USP15: variants seen among roughly 807,000 people sequenced by gnomAD.
USP15 encodes the protein ubiquitin carboxyl-terminal hydrolase 15.
In USP15, 18 loss-of-function variants were observed where a neutral mutation model predicts 127.1. The observed-to-expected ratio is 0.14, with a 90% CI of 0.10 to 0.21. The LOEUF (loss-of-function observed/expected upper bound fraction) is 0.21. USP15 is among the 10% of genes least tolerant of loss of function. USP15 has a pLI of 1.00. For missense variants in USP15, 805 were observed against 1,159.9 expected (o/e 0.69, Z 4.44); for synonymous variants, 364 against 393.7 (o/e 0.92, Z 0.89).
At chr12:62,265,956 C>A (rs997126774) in intron 1 of USP15, among the ~76,000 whole-genome samples, 1 of 121,810 alleles carries the variant, frequency 8.2e-6, no homozygotes, top group Non-Finnish European at 1.9e-5. Flanking sequence ...TATTTAGTAG[C>A]AGAATTCTAC....
At chr12:62,377,211 C>T (rs2066859123) in intron 8 of USP15, among the ~76,000 whole-genome samples, 1 of 152,052 alleles carries the variant, frequency 6.6e-6, no homozygotes. Context: ...TCCAATTATG[C>T]TCTTTTAGTT....
chr12:62,288,835 T>C (rs1003624651), intron 1 of USP15, among the ~76,000 whole-genome samples: 1 of 152,222 alleles, frequency 6.6e-6, no homozygotes, highest in Non-Finnish European at 1.5e-5. Flanking sequence ...TTTTTGCGTC[T>C]ATTGAGATTA....
chr12:62,400,486 A>T (rs1021638786), intron 20 of USP15, among the ~76,000 whole-genome samples: 15 of 151,356 alleles, frequency 9.9e-5, no homozygotes, highest in Non-Finnish European at 1.8e-4. Context: ...ACTCTTCAGG[A>T]CTTTGTGGAA....
At chr12:62,378,177 A>C (rs1292208326) in intron 8 of USP15, among the ~76,000 whole-genome samples, 1 of 152,224 alleles carries the variant, frequency 6.6e-6, no homozygotes, top group Non-Finnish European at 1.5e-5. Context: ...ACTGCACTCC[A>C]GCCTGGGTGA....
rs533521961 is a variant in USP15, at chr12:62,363,719, T to A, written c.915+8244T>A. 2.6e-5 allele frequency among the ~76,000 whole-genome samples: 4 copies of A among 152,032 alleles called. No individual in the cohort carries two copies. In the South Asian group the frequency reaches 8.3e-4, roughly 32 times the overall value. On this transcript the variant is annotated intron_variant, in intron 8 of 21. Coordinates refer to ENST00000280377, the MANE Select transcript of USP15 (RefSeq NM_001252078.2). ...CGTGCTCTCTCTCTCCCTCTCTCCC[T>A]CTCTCCCATGACTGCTGGAATTTTG...
chr12:62,396,330 A>C lies in USP15; in HGVS notation c.2606A>C (p.Asn869Thr). 6.3e-7 allele frequency: 1 copy of C among 1,595,464 alleles called. No homozygotes were observed. The highest frequency in any genetic ancestry group is 1.4e-5 in the African/African-American group (1 of 73,756). ...LDMSEFLINP[N>T]AGPCRYNLIA... ...ATGTCGGAATTCTTAATTAATCCAAATGCAGGTCCTTGCCGCTATAATCTG... is the reference window on the plus strand; with the variant it reads ...ATGTCGGAATTCTTAATTAATCCAACTGCAGGTCCTTGCCGCTATAATCTG... Residue 869 changes from asparagine (N) to threonine (T), a missense_variant, in exon 20 of 22, where the codon AAT (asparagine) becomes ACT (threonine). By Grantham distance (65) the Asn-to-Thr change is moderately conservative. Around this residue, in one of 11 missense-constraint regions of USP15, gnomAD observed 116 missense variants for 157.2 expected, o/e 0.74. Coordinates refer to ENST00000280377, the MANE Select transcript of USP15 (RefSeq NM_001252078.2).
Position 62,314,869 on chromosome 12 carries a change from A to G in USP15, c.428A>G (p.Asn143Ser). 1 of 1,598,584 alleles carries G rather than the reference A, an allele frequency of 6.3e-7. No individual in the cohort carries two copies. Among genetic ancestry groups the G allele is most frequent in the South Asian group, 1.1e-5 (1 of 88,792 alleles). Reference protein sequence around the residue: ...LTELKLCENGNMNNVVTRRFS... With the variant: ...LTELKLCENGSMNNVVTRRFS... ...GAATTGAAGCTATGTGAAAATGGAA[A>G]CATGAATAATGTTGTAACTCGAAGA... Residue 143 changes from asparagine to serine, a missense_variant, in exon 4 of 22, where the codon AAC becomes AGC. Coordinates refer to ENST00000280377, the MANE Select transcript of USP15 (RefSeq NM_001252078.2).
intron 8 of USP15, among the ~76,000 whole-genome samples, chr12:62,367,798 GTC>G (rs1309163479): frequency 6.6e-6 from 1 of 151,914 alleles, no homozygotes; most frequent in African/African-American, 2.4e-5. Flanking sequence ...GGTTTTTCGT[GTC>G]TCTGTCTCCT....
rs2067335132 is a variant in USP15 at position 62,391,846 on chromosome 12, C to T, written c.2264C>T (p.Pro755Leu). ...ERSFLALDWD[P>L]DLKKRYFDEN... The stretch of plus-strand genomic sequence containing the variant: ...TCTTTTCTTGCTTTGGATTGGGATC[C>T]TGATTTGAAAAAAAGATATTTTGAT... Residue 755 changes from proline (P) to leucine (L), a missense_variant, in exon 17 of 22, where the codon CCT (proline) becomes CTT (leucine). Pro to Leu is a moderately conservative substitution (Grantham distance 98). Around this residue, in one of 11 missense-constraint regions of USP15, gnomAD observed 225 missense variants for 239.5 expected, o/e 0.94. Coordinates refer to ENST00000280377, the MANE Select transcript of USP15 (RefSeq NM_001252078.2). 6.2e-7 allele frequency: 1 copy of T among 1,608,584 alleles called. No homozygotes were observed. Among genetic ancestry groups the T allele is most frequent in the African/African-American group, 1.3e-5 (1 of 74,634 alleles).
chr12:62,308,042 G>A (rs759002650), intron 3 of USP15, among the ~76,000 whole-genome samples: 1 of 151,924 alleles, frequency 6.6e-6, no homozygotes, highest in South Asian at 2.1e-4. Flanking sequence ...CTTCGTCATA[G>A]GTATGTATGT....
intron 8 of USP15, among the ~76,000 whole-genome samples, chr12:62,378,094 C>T (rs1286227804): frequency 2.6e-5 from 4 of 152,212 alleles, no homozygotes; most frequent in Non-Finnish European, 5.9e-5. Context: ...ATAATCCCAG[C>T]TACTGGGGAG....
At chr12:62,355,778 A>G (rs908878119) in intron 8 of USP15, among the ~76,000 whole-genome samples, 2 of 150,940 alleles carry the variant, frequency 1.3e-5, no homozygotes, top group East Asian at 3.9e-4. Flanking sequence ...AGCAAAACTA[A>G]TGAGTTCCCT....
intron 8 of USP15, among the ~76,000 whole-genome samples, chr12:62,370,370 C>T (rs1442724442): frequency 1.3e-5 from 2 of 152,156 alleles, no homozygotes; most frequent in Non-Finnish European, 2.9e-5. Flanking sequence ...TTTCCCCCTA[C>T]TTTCCCATCT....
At position 62,391,389 on chromosome 12, in the gene USP15, C is replaced by G. The variant is rs1408734161; in HGVS notation, c.2193C>G (p.Thr731=). 3 of 1,612,054 alleles carry G rather than the reference C, an allele frequency of 1.9e-6. No individual in the cohort carries two copies. Among genetic ancestry groups the G allele is most frequent in the Non-Finnish European group, 2.5e-6 (3 of 1,179,178 alleles). Residue 731 remains threonine (T), a synonymous_variant, in exon 16 of 22, where the codon ACC becomes ACG. Coordinates refer to ENST00000280377, the MANE Select transcript of USP15 (RefSeq NM_001252078.2). ...ATATCAACTACATCAAAGATGATACCAGGCATATAAGATTTGATGATAGGC... is the reference window on the plus strand; with the variant it reads ...ATATCAACTACATCAAAGATGATACGAGGCATATAAGATTTGATGATAGGC... ...NTDINYIKDD[T]RHIRFDDRQL...
chr12:62,391,516 G>T, intron 16 of USP15, 87 bp downstream of exon 16: 1 of 1,498,810 alleles, frequency 6.7e-7, no homozygotes, highest in Non-Finnish European at 9.0e-7. Context: ...ATTCAGCTCT[G>T]TCAAGAAATA....
At chr12:62,297,177 A>G (rs908018389) in intron 2 of USP15, among the ~76,000 whole-genome samples, 2 of 152,160 alleles carry the variant, frequency 1.3e-5, no homozygotes, top group African/African-American at 2.4e-5. Context: ...CATAGTTCAA[A>G]TAACTGGGGG....
At position 62,411,659 on chromosome 12, in the gene USP15, C is replaced by T. The variant is rs2068044513; in HGVS notation, c.*7284C>T. 6.6e-6 allele frequency: 1 copy of T among 152,146 alleles called. No individual in the cohort carries two copies. The highest frequency in any genetic ancestry group is 2.4e-5 in the African/African-American group (1 of 41,426). 9.4% of individuals were successfully genotyped at this position (152,146 alleles called of 1,614,324 possible). ...TGTTTGGATACTGTCATAGTCTGCT[C>T]AGGCTGCCATAACAAACACAGACTG... On this transcript the variant is annotated 3_prime_UTR_variant, in exon 22 of 22. Transcript: ENST00000280377.
At position 62,317,899 on chromosome 12, in the gene USP15, GATAAA is replaced by G. The variant is rs751605411; in HGVS notation, c.475+2988_475+2992del. Among the ~76,000 whole-genome samples, 4 of 152,040 alleles carry G rather than the reference GATAAA, an allele frequency of 2.6e-5. No individual in the cohort carries two copies. In the East Asian group the frequency reaches 7.7e-4, roughly 29 times the overall value. On this transcript the variant is annotated intron_variant, in intron 4 of 21. Transcript: ENST00000280377. ...GAGCATTGAGCATGTTTAAGTAAGA[GATAAA>G]ATAATAGTTTTATTTTCCTTTAAGA...
chr12:62,361,988 G>A lies in USP15; in HGVS notation c.915+6513G>A, dbSNP rs551632735. ...ATTGAACCTGCAGCCTCTGTTAAGAGTGGTACCCTTCTTTGCATAATGCAG... is the reference window on the plus strand; with the variant it reads ...ATTGAACCTGCAGCCTCTGTTAAGAATGGTACCCTTCTTTGCATAATGCAG... On this transcript the variant is annotated intron_variant, in intron 8 of 21. Coordinates refer to ENST00000280377, the MANE Select transcript of USP15 (RefSeq NM_001252078.2). Among the ~76,000 whole-genome samples the A allele has an allele frequency of 6.6e-5, 10 of 152,124 alleles. No individual in the cohort carries two copies. In the South Asian group the frequency reaches 2.1e-3, roughly 32 times the overall value.
Sources: allele counts gnomAD v4.1 joint callset (sites outside exome capture counted in the v4.1 genomes callset), GRCh38; gene constraint gnomAD v4.1.1; regional missense constraint gnomAD v4.1.1; transcripts MANE v1.5; gene names NCBI Gene and HGNC (gene_info 2026-07-23, HGNC 2026-07-21).